The following TXNDC5 variants were observed in gnomAD, a reference collection of about 807,000 sequenced individuals.
TXNDC5 encodes thioredoxin domain-containing protein 5.
In TXNDC5, 44 loss-of-function variants were observed where a neutral mutation model predicts 52.6. That is an observed-to-expected ratio of 0.84 (90% confidence interval 0.66 to 1.08). The LOEUF (loss-of-function observed/expected upper bound fraction) is 1.08, where lower values mean the gene tolerates loss of function less well. Ranked by LOEUF, TXNDC5 falls within the 50% of genes least tolerant of loss-of-function variation. The pLI is 0.00. For missense variants in TXNDC5, 600 were observed against 565.5 expected (o/e 1.06, Z -0.62); for synonymous variants, 241 against 234.4 (o/e 1.03, Z -0.26).
chr6:7,906,220 G>A (rs773518346), intron 1 of TXNDC5, among the ~76,000 whole-genome samples: 2 of 151,794 alleles, frequency 1.3e-5, no homozygotes, highest in Non-Finnish European at 1.5e-5. Context: ...CAGCCTGGGT[G>A]ACAGAGATTT....
intron 7 of TXNDC5, among the ~76,000 whole-genome samples, chr6:7,886,834 G>A (rs907294783): frequency 1.2e-4 from 19 of 152,124 alleles, no homozygotes; most frequent in African/African-American, 4.1e-4. Context: ...GTCTGGCATC[G>A]AGTAACATGT....
chr6:7,909,987 G>T (rs1055008030), intron 1 of TXNDC5: 1 of 986,166 alleles, frequency 1.0e-6, no homozygotes. Context: ...GGCAGGGACC[G>T]CGGGGTGACA....
chr6:7,904,130 C>A (rs1760659752), intron 2 of TXNDC5, among the ~76,000 whole-genome samples: 1 of 152,174 alleles, frequency 6.6e-6, no homozygotes, highest in African/African-American at 2.4e-5. Context: ...CAAAAAAATT[C>A]TTAACTGTCA....
intron 3 of TXNDC5, among the ~76,000 whole-genome samples, chr6:7,897,295 G>A (rs1431129347): frequency 6.6e-6 from 1 of 152,110 alleles, no homozygotes; most frequent in East Asian, 1.9e-4. Flanking sequence ...GTGACAAATT[G>A]TCTTTTGAGT....
chr6:7,898,032 C>T (rs1312608599), intron 3 of TXNDC5, among the ~76,000 whole-genome samples: 1 of 152,088 alleles, frequency 6.6e-6, no homozygotes, highest in African/African-American at 2.4e-5. Flanking sequence ...TAACATCACA[C>T]ACCAACAGTC....
chr6:7,895,001 A>G (rs1292686916), intron 4 of TXNDC5, 105 bp downstream of exon 4: 54 of 1,474,654 alleles, frequency 3.7e-5, no homozygotes, highest in Non-Finnish European at 4.1e-5. Context: ...TGTCAGTGCC[A>G]CTGATGCTGC....
chr6:7,908,281 CAA>C (rs57783770), intron 1 of TXNDC5, among the ~76,000 whole-genome samples: 3,152 of 62,730 alleles, frequency 0.05, 96 homozygotes, highest in African/African-American at 0.16. Context: ...GACTCCATCT[CAA>C]AAAAAAAAAA....
intron 4 of TXNDC5, among the ~76,000 whole-genome samples, chr6:7,892,833 G>C (rs1760241300): frequency 6.6e-6 from 1 of 152,190 alleles, no homozygotes; most frequent in South Asian, 2.1e-4. Flanking sequence ...CCCAGTCTCG[G>C]GTGTGTATTC....
chr6:7,888,010 C>T (rs552921874), intron 7 of TXNDC5, among the ~76,000 whole-genome samples: 3 of 152,224 alleles, frequency 2.0e-5, no homozygotes, highest in Non-Finnish European at 2.9e-5. Flanking sequence ...TGCCCCAGCC[C>T]CCTGCCATTG....
rs1760322813 is a variant in TXNDC5 at position 7,895,184 on chromosome 6, C to T, written c.538G>A (p.Glu180Lys). The change falls in exon 4 of 10, where the codon GAA becomes AAA. Residue 180 changes from glutamate to lysine, a missense_variant. Glu to Lys is a moderately conservative substitution (Grantham distance 56). Coordinates refer to ENST00000379757, the MANE Select transcript of TXNDC5 (RefSeq NM_030810.5). The part of the protein sequence containing the change: ...EEPVTPEPEV[E>K]PPSAPELKQG... ...TTGAGCTCGGGGGCACTGGGCGGTT[C>T]CACTTCCGGCTCTGGTGTCTAACAG... 6.2e-7 allele frequency: 1 copy of T among 1,613,178 alleles called. No individual in the cohort carries two copies. The highest frequency in any genetic ancestry group is 2.2e-5 in the East Asian group (1 of 44,854).
rs1330043343 is a variant in TXNDC5 at position 7,910,627 on chromosome 6, G to A, written c.150C>T (p.Pro50=). The change falls in exon 1 of 10, where the codon CCC becomes CCT. Residue 50 remains proline (P), a synonymous_variant. Transcript: ENST00000379757. ...CCTGTCCGTCCTCGCCGTCTGCCGC[G>A]GGGGGCCCGTCCGCCGCCGCCGCCG... The part of the protein sequence containing the change: ...EAAAAAADGP[P]AADGEDGQDP... 2.2e-6 allele frequency: 3 copies of A among 1,340,846 alleles called. No homozygotes were observed. The highest frequency in any genetic ancestry group is 1.5e-5 in the African/African-American group (1 of 65,134). The allele number at this position is 1,340,846 out of a possible 1,614,324, so 83.1% of individuals were successfully genotyped here. A position where few individuals can be genotyped will look rare whatever the true frequency, so the allele number is the denominator to read the frequency against.
At chr6:7,888,589 G>C in intron 7 of TXNDC5, 116 bp downstream of exon 7, 1 of 1,327,786 alleles carries the variant, frequency 7.5e-7, no homozygotes, top group South Asian at 1.5e-5. Flanking sequence ...TCAGATGACT[G>C]TGTCCCCAAA....
rs1234332867 is a variant in TXNDC5 at position 7,884,442 on chromosome 6, T to G, written c.1093A>C (p.Lys365Gln). The change falls in exon 9 of 10, where the codon AAA becomes CAA. Residue 365 changes from lysine (K) to glutamine (Q), a missense_variant. Lys to Gln is a moderately conservative substitution (Grantham distance 53, BLOSUM62 1). Transcript: ENST00000379757. Reference protein sequence around the residue: ...TLAPTWEELSKKEFPGLAGVK... With the variant: ...TLAPTWEELSQKEFPGLAGVK... Reference sequence around the variant, plus strand: ...CCCGCCAGACCAGGGAATTCCTTTTTAGAGAGTTCCTCCCAAGTAGGAGCC... The same window carrying G: ...CCCGCCAGACCAGGGAATTCCTTTTGAGAGAGTTCCTCCCAAGTAGGAGCC... 6.2e-7 allele frequency: 1 copy of G among 1,614,088 alleles called. No homozygotes were observed. The highest frequency in any genetic ancestry group is 8.5e-7 in the Non-Finnish European group (1 of 1,179,976).
chr6:7,905,978 G>A (rs777716391), intron 1 of TXNDC5, among the ~76,000 whole-genome samples: 4 of 152,210 alleles, frequency 2.6e-5, no homozygotes, highest in Non-Finnish European at 5.9e-5. Flanking sequence ...AGTGGCTCAT[G>A]CCTGTAATCC....
In TXNDC5 at chr6:7,888,982, A is replaced by T. The variant is rs188975510; in HGVS notation, c.820-134T>A. The T allele has an allele frequency of 6.0e-3, 7,061 of 1,170,518 alleles. 34 individuals carry two copies. The highest frequency in any genetic ancestry group is 7.4e-3 in the Non-Finnish European group (6,224 of 846,778). 72.5% of individuals were successfully genotyped at this position (1,170,518 alleles called of 1,614,324 possible). On this transcript the variant is annotated intron_variant, in intron 6 of 9. Transcript: ENST00000379757. ...GCGGTGGTGCAAAGTCTGCATGTTC[A>T]TATTTAGACGGGAATGTAGAGAGGA...
rs1260304651 is a variant in TXNDC5 at position 7,889,539 on chromosome 6, C to T, written c.775G>A (p.Val259Ile). 3.1e-6 allele frequency: 5 copies of T among 1,613,660 alleles called. No homozygotes were observed. Among genetic ancestry groups the T allele is most frequent in the Non-Finnish European group, 4.2e-6 (5 of 1,179,616 alleles). ...QHYELCSGNQ[V>I]RGYPTLLWFR... is the part of the protein sequence containing the mutation. Reference sequence around the variant, plus strand: ...CAGAGAAGAGTGGGATAGCCACGAACCTGGTTTCCGGAGCAGAGTTCATAG... The same window carrying T: ...CAGAGAAGAGTGGGATAGCCACGAATCTGGTTTCCGGAGCAGAGTTCATAG... Residue 259 changes from valine (V) to isoleucine (I), a missense_variant, in exon 6 of 10, where the codon GTT (valine) becomes ATT (isoleucine). Coordinates refer to ENST00000379757, the MANE Select transcript of TXNDC5 (RefSeq NM_030810.5).
At chr6:7,884,053 A>C (rs1759865564) in intron 9 of TXNDC5, among the ~76,000 whole-genome samples, 1 of 152,208 alleles carries the variant, frequency 6.6e-6, no homozygotes, top group South Asian at 2.1e-4. Context: ...AATCATCAAG[A>C]GTCGCGGTGT....
At chr6:7,900,115 AT>A (rs1397803182) in intron 2 of TXNDC5, 1 of 152,846 alleles carries the variant, frequency 6.5e-6, no homozygotes, top group East Asian at 1.9e-4. Flanking sequence ...CCTGGCAGGT[AT>A]TCAACTCTTA....
intron 3 of TXNDC5, among the ~76,000 whole-genome samples, chr6:7,898,875 T>TGA (rs1448383104): frequency 6.6e-6 from 1 of 152,120 alleles, no homozygotes; most frequent in African/African-American, 2.4e-5. Flanking sequence ...TACAATCTCC[T>TGA]GATATTAGCC....
Sources: allele counts gnomAD v4.1 joint callset (sites outside exome capture counted in the v4.1 genomes callset), GRCh38; gene constraint gnomAD v4.1.1; transcripts MANE v1.5; gene names NCBI Gene and HGNC (gene_info 2026-07-23, HGNC 2026-07-21).